The following PCDHA11 variants were observed in gnomAD, a reference collection of about 807,000 sequenced individuals.
PCDHA11 encodes the protein protocadherin alpha-11.
In PCDHA11, 61 loss-of-function variants were observed where a neutral mutation model predicts 70.3. The observed-to-expected ratio is 0.87, with a 90% CI of 0.71 to 1.07. The LOEUF (loss-of-function observed/expected upper bound fraction) is 1.07, where lower values mean the gene tolerates loss of function less well. Among genes scored for constraint, PCDHA11 ranks in the 50% least tolerant of loss-of-function variants. PCDHA11 has a pLI of 0.00. For synonymous variants in PCDHA11, 633 were observed against 555.1 expected (o/e 1.14, Z -1.97); for missense variants, 1,324 against 1,237.5 (o/e 1.07, Z -1.05).
intron 1 of PCDHA11, among the ~76,000 whole-genome samples, chr5:140,918,402 T>C (rs906018367): frequency 1.3e-5 from 2 of 152,212 alleles, no homozygotes; most frequent in African/African-American, 4.8e-5. Flanking sequence ...GCCTGATTTC[T>C]CTGGCCAGGA....
intron 3 of PCDHA11, among the ~76,000 whole-genome samples, chr5:140,985,897 T>G (rs1037239723): frequency 1.3e-5 from 2 of 151,648 alleles, no homozygotes; most frequent in Non-Finnish European, 2.9e-5. Context: ...CCGCCACCAC[T>G]CCCGTCTAAT....
At chr5:140,885,736 C>T (rs1457106867) in intron 1 of PCDHA11, among the ~76,000 whole-genome samples, 1 of 152,060 alleles carries the variant, frequency 6.6e-6, no homozygotes, top group African/African-American at 2.4e-5. Context: ...AATGATATTT[C>T]ACTGTTACTT....
chr5:140,916,229 A>G (rs2077489205), intron 1 of PCDHA11, among the ~76,000 whole-genome samples: 2 of 152,190 alleles, frequency 1.3e-5, no homozygotes, highest in African/African-American at 4.8e-5. Flanking sequence ...TATGCTTTCC[A>G]GGAGCCAAAG....
At chr5:140,961,313 G>A (rs2095603813) in intron 1 of PCDHA11, among the ~76,000 whole-genome samples, 1 of 152,118 alleles carries the variant, frequency 6.6e-6, no homozygotes, top group Admixed American at 6.5e-5. Flanking sequence ...TGATTTACCA[G>A]GCTCTGTTTC....
chr5:140,968,107 G>A (rs200195064), intron 1 of PCDHA11: 58 of 1,613,992 alleles, frequency 3.6e-5, no homozygotes, highest in African/African-American at 5.3e-5. Context: ...GGGGAATACC[G>A]CAGCTCACAT....
chr5:140,956,701 G>T (rs549659732), intron 1 of PCDHA11, among the ~76,000 whole-genome samples: 1 of 152,138 alleles, frequency 6.6e-6, no homozygotes, highest in Non-Finnish European at 1.5e-5. Context: ...CCATTGTTTG[G>T]AATAGCTTCA....
At chr5:140,967,226 C>G (rs782350843) in intron 1 of PCDHA11, 1 of 1,613,746 alleles carries the variant, frequency 6.2e-7, no homozygotes, top group Non-Finnish European at 8.5e-7. Flanking sequence ...GCCCAACTAC[C>G]AGCTTCAGGT....
At chr5:140,938,468 A>T (rs1427570517) in intron 1 of PCDHA11, among the ~76,000 whole-genome samples, 1 of 152,096 alleles carries the variant, frequency 6.6e-6, no homozygotes, top group Non-Finnish European at 1.5e-5. Flanking sequence ...TTAATTTATT[A>T]TGTTTTTTAA....
chr5:140,895,225 G>GT, intron 1 of PCDHA11, among the ~76,000 whole-genome samples: 1 of 152,168 alleles, frequency 6.6e-6, no homozygotes, highest in African/African-American at 2.4e-5. Context: ...ATTTTACTGA[G>GT]TTTTCTCATC....
At chr5:140,997,911 C>T (rs2097790216) in intron 3 of PCDHA11, among the ~76,000 whole-genome samples, 1 of 152,120 alleles carries the variant, frequency 6.6e-6, no homozygotes, top group East Asian at 1.9e-4. Context: ...AGTAGAATTA[C>T]AGAATCATAG....
intron 3 of PCDHA11, among the ~76,000 whole-genome samples, chr5:140,994,117 G>C (rs889813029): frequency 6.6e-6 from 1 of 152,198 alleles, no homozygotes; most frequent in Non-Finnish European, 1.5e-5. Flanking sequence ...ATTGTCATGT[G>C]ATAAGGGCGA....
At chr5:140,899,382 TGA>T (rs2067295037) in intron 1 of PCDHA11, among the ~76,000 whole-genome samples, 1 of 152,198 alleles carries the variant, frequency 6.6e-6, no homozygotes, top group Non-Finnish European at 1.5e-5. Context: ...CCTAATTTAT[TGA>T]GAGTTTTTAG....
rs201131092 is a variant in PCDHA11 at position 141,009,948 on chromosome 5, T to A, written c.*11T>A. ...AACAGTGACCAGTGAGGTCCTCAAATGGAAACAAGCCACTTAGCCAGTTTT... is the reference window on the plus strand; with the variant it reads ...AACAGTGACCAGTGAGGTCCTCAAAAGGAAACAAGCCACTTAGCCAGTTTT... On this transcript the variant is annotated 3_prime_UTR_variant, in exon 4 of 4. Coordinates refer to ENST00000398640, the MANE Select transcript of PCDHA11 (RefSeq NM_018902.5). The A allele has an allele frequency of 9.4e-6, 15 of 1,595,948 alleles. No homozygotes were observed. In the East Asian group the frequency reaches 3.4e-4, roughly 36 times the overall value.
Position 140,968,451 on chromosome 5 carries a change from C to T in PCDHA11, c.2392-10498C>T, listed in dbSNP as rs782416830. 9 of 1,614,130 alleles carry T rather than the reference C, an allele frequency of 5.6e-6. No homozygotes were observed. The South Asian group carries it at 9.9e-5, about 18-fold the overall frequency. ...AAGGGGAGCCCACCACTGAGCAGCACTGTGACTGCCAACGTATATGTGGTG... is the reference window on the plus strand; with the variant it reads ...AAGGGGAGCCCACCACTGAGCAGCATTGTGACTGCCAACGTATATGTGGTG... On this transcript the variant is annotated intron_variant, in intron 1 of 3. Transcript: ENST00000398640.
intron 1 of PCDHA11, among the ~76,000 whole-genome samples, chr5:140,955,110 T>C (rs915501300): frequency 7.2e-5 from 11 of 152,274 alleles, no homozygotes; most frequent in African/African-American, 2.6e-4. Flanking sequence ...TTCTGAGTTC[T>C]CTATTCTGTT....
chr5:140,943,558 A>T (rs1328715238), intron 1 of PCDHA11, among the ~76,000 whole-genome samples: 1 of 152,194 alleles, frequency 6.6e-6, no homozygotes, highest in Non-Finnish European at 1.5e-5. Flanking sequence ...GTAGACAATA[A>T]TCATTTTAAT....
intron 1 of PCDHA11, among the ~76,000 whole-genome samples, chr5:140,922,082 G>A (rs2080612980): frequency 6.6e-6 from 1 of 151,908 alleles, no homozygotes. Context: ...AGCAAAAAGT[G>A]GTATTTCTAC....
In PCDHA11 at chr5:140,904,839, ATCT is replaced by A. The variant is rs1480252178; in HGVS notation, c.2391+33352_2391+33354del. 4.1e-4 allele frequency among the ~76,000 whole-genome samples: 62 copies of A among 152,040 alleles called. No individual in the cohort carries two copies. The East Asian group carries it at 6.4e-3, about 16-fold the overall frequency. Reference sequence around the variant, plus strand: ...TTGAGCATTTTTTTATATGTTTCATATCTTCTTCTGAGAATTGTCTGTTTATGT... The same window carrying A: ...TTGAGCATTTTTTTATATGTTTCATATCTTCTGAGAATTGTCTGTTTATGT... On this transcript the variant is annotated intron_variant, in intron 1 of 3. Coordinates refer to ENST00000398640, the MANE Select transcript of PCDHA11 (RefSeq NM_018902.5).
At chr5:140,992,954 C>T (rs1174073844) in intron 3 of PCDHA11, among the ~76,000 whole-genome samples, 4 of 152,190 alleles carry the variant, frequency 2.6e-5, no homozygotes, top group Non-Finnish European at 5.9e-5. Context: ...TTAAATCACC[C>T]CTTATACTGC....
Sources: gnomAD v4.1 joint callset for allele counts (sites outside exome capture counted in the v4.1 genomes callset) on GRCh38, gnomAD v4.1.1 for gene constraint, MANE v1.5 for transcripts, NCBI Gene and HGNC (gene_info 2026-07-23, HGNC 2026-07-21) for gene names.